ZNF664: variants seen among roughly 807,000 people sequenced by gnomAD.
The protein encoded by ZNF664 is zinc finger protein 664.
ZNF664 carries 10 observed loss-of-function variants against 18.2 expected under a neutral mutation model. The ratio of observed to expected loss-of-function variants is 0.55; its 90% CI spans 0.34 to 0.93. ZNF664 has a LOEUF of 0.93. Among genes scored for constraint, ZNF664 ranks in the 40% least tolerant of loss-of-function variants. The pLI, the probability that ZNF664 is intolerant of heterozygous loss-of-function variation, is 0.02. For missense variants in ZNF664, 193 were observed against 319.0 expected, an observed-to-expected ratio of 0.61 and a Z score of 3.01; for synonymous variants, 119 against 104.2, an observed-to-expected ratio of 1.14 and a Z score of -0.86.
chr12:123,973,679 C>T (rs1208454849), intron 1 of ZNF664: 2 of 842,074 alleles, frequency 2.4e-6, no homozygotes, highest in Non-Finnish European at 1.5e-6. Flanking sequence ...CCGGGCGAGG[C>T]CCCTCGGGAG....
chr12:124,005,463 A>G (rs1957060124), intron 3 of ZNF664, among the ~76,000 whole-genome samples: 1 of 146,402 alleles, frequency 6.8e-6, no homozygotes, highest in Admixed American at 6.8e-5. Context: ...TCACATTTTG[A>G]CTGGATGATA....
In ZNF664 at chr12:123,973,254, G is replaced by A. The variant is rs943503794; in HGVS notation, c.-990G>A. ...AGGCGTCTGGGTGTGCGGAGCGCGC[G>A]CGCGCGCGGCTCGGAGGCGCACCTG... On this transcript the variant is annotated 5_prime_UTR_variant, in exon 1 of 5. Transcript: ENST00000337815. 6 of 997,404 alleles carry A rather than the reference G, an allele frequency of 6.0e-6. 1 individual carries two copies. The highest frequency in any genetic ancestry group is 1.2e-4 in the Admixed American group (2 of 16,284). 61.8% of individuals were successfully genotyped at this position (997,404 alleles called of 1,614,324 possible).
intron 2 of ZNF664, among the ~76,000 whole-genome samples, chr12:123,986,518 C>T (rs1956827604): frequency 6.6e-6 from 1 of 152,192 alleles, no homozygotes; most frequent in African/African-American, 2.4e-5. Flanking sequence ...ATTTGATGAC[C>T]TCCGCAGTCA....
At chr12:124,006,257 C>T (rs1232474418) in intron 3 of ZNF664, 1 of 152,248 alleles carries the variant, frequency 6.6e-6, no homozygotes, top group Non-Finnish European at 1.5e-5. Flanking sequence ...CTGGTCATCC[C>T]ATTAGGGCTG....
chr12:124,000,676 C>G (rs955527959), intron 3 of ZNF664, among the ~76,000 whole-genome samples: 4 of 152,142 alleles, frequency 2.6e-5, no homozygotes, highest in African/African-American at 9.7e-5. Context: ...GTCATTAGCC[C>G]CTCTGTCTGC....
At chr12:123,996,220 G>C (rs1025729388) in intron 3 of ZNF664, among the ~76,000 whole-genome samples, 1 of 152,218 alleles carries the variant, frequency 6.6e-6, no homozygotes, top group Non-Finnish European at 1.5e-5. Context: ...GCAAGTATAG[G>C]TATTATTGAG....
At chr12:123,974,361 T>TA (rs1256048261) in intron 2 of ZNF664, 1 of 234,936 alleles carries the variant, frequency 4.3e-6, no homozygotes, top group Admixed American at 5.7e-5. Flanking sequence ...ATTTCTGAGC[T>TA]ATTGCCTTCT....
At chr12:123,981,184 G>C (rs1035265708) in intron 2 of ZNF664, among the ~76,000 whole-genome samples, 4 of 152,196 alleles carry the variant, frequency 2.6e-5, no homozygotes, top group African/African-American at 2.4e-5. Flanking sequence ...ATTTGGAAGA[G>C]AGTGGCTAGA....
chr12:123,977,700 T>C (rs1325148331), intron 2 of ZNF664, among the ~76,000 whole-genome samples: 5 of 152,184 alleles, frequency 3.3e-5, no homozygotes, highest in African/African-American at 4.8e-5. Flanking sequence ...AGAATACTTA[T>C]GAGTAATGAG....
At chr12:124,000,236 C>G (rs1956995769) in intron 3 of ZNF664, among the ~76,000 whole-genome samples, 1 of 152,198 alleles carries the variant, frequency 6.6e-6, no homozygotes, top group Non-Finnish European at 1.5e-5. Flanking sequence ...CCATCTCACA[C>G]CACCTCTGTT....
At chr12:123,990,049 A>G (rs1009154190) in intron 3 of ZNF664, among the ~76,000 whole-genome samples, 2 of 152,214 alleles carry the variant, frequency 1.3e-5, no homozygotes, top group African/African-American at 2.4e-5. Flanking sequence ...AGGTATAAAA[A>G]TAGCCAGACT....
intron 3 of ZNF664, chr12:123,998,588 A>T (rs1045987887): frequency 1.3e-5 from 2 of 152,320 alleles, no homozygotes; most frequent in African/African-American, 4.8e-5. Context: ...TTCAGCTTAA[A>T]AGTAGAGTCA....
At chr12:123,980,149 A>G (rs989755389) in intron 2 of ZNF664, among the ~76,000 whole-genome samples, 11 of 152,228 alleles carry the variant, frequency 7.2e-5, no homozygotes, top group Non-Finnish European at 1.2e-4. Context: ...ATTCTGAATA[A>G]GAATTAGAAA....
At chr12:123,975,970 A>G (rs1449330120) in intron 2 of ZNF664, among the ~76,000 whole-genome samples, 1 of 152,218 alleles carries the variant, frequency 6.6e-6, no homozygotes, top group East Asian at 1.9e-4. Flanking sequence ...TAATATTTTA[A>G]TCATTTGAAT....
intron 3 of ZNF664, among the ~76,000 whole-genome samples, chr12:124,005,487 G>GTA (rs1302297052): frequency 8.3e-6 from 1 of 120,608 alleles, no homozygotes; most frequent in Non-Finnish European, 1.8e-5. Flanking sequence ...TATAGAATGT[G>GTA]TGTGTGTGTG....
At position 124,012,070 on chromosome 12, in the gene ZNF664, A is replaced by C. The variant is rs1023573822; in HGVS notation, c.-75A>C. 23 of 1,512,268 alleles carry C rather than the reference A, an allele frequency of 1.5e-5. No homozygotes were observed. In the South Asian group the frequency reaches 3.2e-4, roughly 21 times the overall value. 93.7% of individuals were successfully genotyped at this position (1,512,268 alleles called of 1,614,324 possible). ...CCAAAATGGCCAAATAAGAGACTCT[A>C]TGAAATAACAGTCTTGTAACTGTAG... On this transcript the variant is annotated 5_prime_UTR_variant, in exon 5 of 5. The change abolishes an upstream ATG in the 5' untranslated region. Coordinates refer to ENST00000337815, the MANE Select transcript of ZNF664 (RefSeq NM_152437.3).
At chr12:123,985,325 A>G (rs931298454) in intron 2 of ZNF664, among the ~76,000 whole-genome samples, 3 of 152,104 alleles carry the variant, frequency 2.0e-5, no homozygotes, top group Non-Finnish European at 4.4e-5. Context: ...GCCACTTCCT[A>G]CTCTTCTCAG....
At chr12:123,981,458 C>T (rs1036803184) in intron 2 of ZNF664, among the ~76,000 whole-genome samples, 10 of 152,252 alleles carry the variant, frequency 6.6e-5, no homozygotes, top group African/African-American at 2.4e-4. Context: ...TCTGAGACAG[C>T]ATGTTAACAT....
At chr12:124,005,580 C>T (rs975783493) in intron 3 of ZNF664, among the ~76,000 whole-genome samples, 1 of 150,972 alleles carries the variant, frequency 6.6e-6, no homozygotes, top group African/African-American at 2.4e-5. Context: ...AAAACAGATG[C>T]AAAGTAGTGT....
Sources: allele counts gnomAD v4.1 joint callset (sites outside exome capture counted in the v4.1 genomes callset), GRCh38; gene constraint gnomAD v4.1.1; transcripts MANE v1.5; gene names NCBI Gene and HGNC (gene_info 2026-07-23, HGNC 2026-07-21).